The following NCOA5 variants were observed in gnomAD, a reference collection of about 807,000 sequenced individuals.
The protein encoded by NCOA5 is nuclear receptor coactivator 5.
NCOA5 carries 12 observed loss-of-function variants against 59.0 expected under a neutral mutation model. The observed-to-expected ratio is 0.20, with a 90% CI of 0.13 to 0.33. The LOEUF is 0.33. Among genes scored for constraint, NCOA5 ranks in the 10% least tolerant of loss-of-function variants. NCOA5 has a pLI of 1.00. For missense variants in NCOA5, 655 were observed against 766.6 expected (o/e 0.85, Z 1.72); for synonymous variants, 270 against 275.5 (o/e 0.98, Z 0.20).
intron 1 of NCOA5, among the ~76,000 whole-genome samples, chr20:46,081,644 A>G (rs1381110115): frequency 6.6e-6 from 1 of 152,154 alleles, no homozygotes; most frequent in Non-Finnish European, 1.5e-5. Flanking sequence ...AAGAATTCTC[A>G]GATAATTGTC....
At chr20:46,077,367 G>T (rs1045840687) in intron 2 of NCOA5, among the ~76,000 whole-genome samples, 8 of 152,188 alleles carry the variant, frequency 5.3e-5, no homozygotes, top group Non-Finnish European at 7.3e-5. Context: ...TTCAACCAGG[G>T]AAGTTGGTCA....
intron 1 of NCOA5, 37 bp from the exon 2 acceptor site, chr20:46,079,490 G>A (rs1262559372): frequency 3.3e-6 from 5 of 1,503,100 alleles, no homozygotes; most frequent in East Asian, 2.3e-5. Context: ...TCAATGCTAC[G>A]GAATAAAAAC....
chr20:46,078,917 CAG>C (rs2084965849), intron 2 of NCOA5, among the ~76,000 whole-genome samples: 1 of 152,112 alleles, frequency 6.6e-6, no homozygotes. Flanking sequence ...TGTAAGCAAA[CAG>C]GGGATCTGCA....
At chr20:46,088,005 T>TA (rs33956691) in intron 1 of NCOA5, among the ~76,000 whole-genome samples, 1 of 70,998 alleles carries the variant, frequency 1.4e-5, no homozygotes, top group East Asian at 1.0e-3. Flanking sequence ...ATATATATAT[T>TA]TTTTTACACA....
At chr20:46,065,569 T>C (rs1203341171) in intron 5 of NCOA5, among the ~76,000 whole-genome samples, 2 of 152,320 alleles carry the variant, frequency 1.3e-5, no homozygotes, top group African/African-American at 2.4e-5. Context: ...GGGAAGATCA[T>C]GGGTTTAACG....
intron 2 of NCOA5, among the ~76,000 whole-genome samples, chr20:46,073,013 G>C (rs529585586): frequency 3.3e-5 from 5 of 152,288 alleles, no homozygotes; most frequent in East Asian, 1.9e-4. Context: ...TTACCACACT[G>C]TTCTGTAATT....
chr20:46,066,661 T>A (rs2084827065), intron 5 of NCOA5, among the ~76,000 whole-genome samples: 1 of 152,102 alleles, frequency 6.6e-6, no homozygotes, highest in South Asian at 2.1e-4. Flanking sequence ...AAAGAGAAGT[T>A]CTCTTTCCAC....
rs2145515501 is a variant in NCOA5, at chr20:46,061,363, C to G, written c.*937G>C. On this transcript the variant is annotated 3_prime_UTR_variant, in exon 8 of 8. Transcript: ENST00000290231. ...CCATCTCGAGAACATGTCCAGCTAC[C>G]AGAAGTCTGACATCAAAGTGGTCCC... 6.5e-6 allele frequency: 1 copy of G among 152,752 alleles called. No homozygotes were observed. The highest frequency in any genetic ancestry group is 1.5e-5 in the Non-Finnish European group (1 of 68,052). The allele number at this position is 152,752 out of a possible 1,614,324, so 9.5% of individuals were successfully genotyped here.
intron 2 of NCOA5, among the ~76,000 whole-genome samples, chr20:46,078,002 A>G (rs2084956055): frequency 6.6e-6 from 1 of 152,244 alleles, no homozygotes; most frequent in African/African-American, 2.4e-5. Flanking sequence ...AGCTGCAAGC[A>G]TTCTTTAGAG....
chr20:46,083,791 T>C (rs1475998739), intron 1 of NCOA5, among the ~76,000 whole-genome samples: 2 of 152,114 alleles, frequency 1.3e-5, no homozygotes, highest in Non-Finnish European at 2.9e-5. Context: ...ATCCCCCAAA[T>C]TGGGAGGGGA....
rs750675389 is a variant in NCOA5, at chr20:46,062,846, C to T, written c.1194G>A (p.Ser398=). 6.6e-6 allele frequency: 10 copies of T among 1,525,998 alleles called. No individual in the cohort carries two copies. Among genetic ancestry groups the T allele is most frequent in the African/African-American group, 2.8e-5 (2 of 71,902 alleles). 94.5% of individuals were successfully genotyped at this position (1,525,998 alleles called of 1,614,324 possible). Residue 398 remains serine, a synonymous_variant, in exon 8 of 8, where the codon TCG becomes TCA. Coordinates refer to ENST00000290231, the MANE Select transcript of NCOA5 (RefSeq NM_020967.3). ...GTTGGGAGCTTGGCTGTGTCTTCAG[C>T]GAGGCACCCGAGGTCGCCCCGAGTG... ...RQPLGATSGA[S]LKTQPSSQPL... is the part of the protein sequence containing the mutation.
In NCOA5 at chr20:46,062,488, G is replaced by C. The variant is rs763703942; in HGVS notation, c.1552C>G (p.Pro518Ala). Residue 518 changes from proline (P) to alanine (A), a missense_variant, in exon 8 of 8, where the codon CCT (proline) becomes GCT (alanine). Physicochemically the swap from Pro to Ala is conservative, Grantham distance 27. Transcript: ENST00000290231. ...CTCTGGCTAGTCATGTTGCTAGCAG[G>C]TGCCAGGCGACTGGAAGGCTGGCCA... ...LFGQPSSRLA[P>A]ASNMTSQRPV... is the part of the protein sequence containing the mutation. 6.2e-7 allele frequency: 1 copy of C among 1,614,196 alleles called. No homozygotes were observed. Among genetic ancestry groups the C allele is most frequent in the Non-Finnish European group, 8.5e-7 (1 of 1,180,040 alleles).
chr20:46,064,345 AAAGGGTT>A (rs1227732118), intron 6 of NCOA5, among the ~76,000 whole-genome samples: 1 of 152,228 alleles, frequency 6.6e-6, no homozygotes, highest in African/African-American at 2.4e-5. Flanking sequence ...TATAGTGGGA[AAAGGGTT>A]AAGTCTGTGC....
intron 1 of NCOA5, 60 bp from the exon 2 acceptor site, chr20:46,079,513 A>G: frequency 7.4e-7 from 1 of 1,357,598 alleles, no homozygotes; most frequent in Non-Finnish European, 1.0e-6. Flanking sequence ...GATCATCAGC[A>G]CATTTCAAAT....
At chr20:46,068,670 A>G in intron 3 of NCOA5, 32 bp from the exon 4 acceptor site, 2 of 1,600,516 alleles carry the variant, frequency 1.2e-6, no homozygotes, top group Non-Finnish European at 1.7e-6. Context: ...CATAAAGATA[A>G]AACTGTGTCT....
In NCOA5 at chr20:46,067,069, G is replaced by A. The variant is rs962969950; in HGVS notation, c.615C>T (p.Val205=). The change falls in exon 5 of 8, where the codon GTC becomes GTT. Residue 205 remains valine, a synonymous_variant. Coordinates refer to ENST00000290231, the MANE Select transcript of NCOA5 (RefSeq NM_020967.3). ...AGGGTTCTTACTTTGTCTGTTTGTT[G>A]ACCACAATCACAGAACAATCAACGG... The part of the protein sequence containing the change: ...ERPVDCSVIV[V]NKQTKDYAES... 2 of 1,613,414 alleles carry A rather than the reference G, an allele frequency of 1.2e-6. No homozygotes were observed. Among genetic ancestry groups the A allele is most frequent in the South Asian group, 2.2e-5 (2 of 90,882 alleles).
chr20:46,087,605 C>A (rs547847126), intron 1 of NCOA5, among the ~76,000 whole-genome samples: 136 of 152,152 alleles, frequency 8.9e-4, no homozygotes, highest in Admixed American at 1.8e-3. Context: ...TAAAAATATA[C>A]AAAATTAGCC....
chr20:46,067,936 C>T (rs1021949898), intron 4 of NCOA5, among the ~76,000 whole-genome samples: 4 of 145,704 alleles, frequency 2.7e-5, no homozygotes, highest in African/African-American at 7.5e-5. Context: ...TCATTTTTCT[C>T]TTTTTTTTTT....
At chr20:46,076,264 A>C (rs1409950006) in intron 2 of NCOA5, among the ~76,000 whole-genome samples, 1 of 152,192 alleles carries the variant, frequency 6.6e-6, no homozygotes, top group African/African-American at 2.4e-5. Flanking sequence ...AAATAAAGGC[A>C]GTTTGTTGTT....
Sources: gnomAD v4.1 joint callset for allele counts (sites outside exome capture counted in the v4.1 genomes callset) on GRCh38, gnomAD v4.1.1 for gene constraint, MANE v1.5 for transcripts, NCBI Gene and HGNC (gene_info 2026-07-23, HGNC 2026-07-21) for gene names.